NBAS: variants seen among roughly 807,000 people sequenced by gnomAD.
NBAS encodes the protein NAG/BC035112 fusion.
In NBAS, 219 loss-of-function variants were observed where a neutral mutation model predicts 302.5. That is an observed-to-expected ratio of 0.72 (90% CI 0.65 to 0.81). The LOEUF is 0.81. NBAS is among the 30% of genes least tolerant of loss of function. The probability of loss-of-function intolerance (pLI) is 0.00; values close to 1 mark genes in which losing one functional copy is unlikely to be tolerated. For missense variants in NBAS, 2,932 were observed against 2,841.6 expected, an observed-to-expected ratio of 1.03 and a Z score of -0.72; for synonymous variants, 1,118 against 1,021.6, an observed-to-expected ratio of 1.09 and a Z score of -1.80.
At chr2:15,036,201 C>T in the NBAS span, among the ~76,000 whole-genome samples, 1 of 152,084 alleles carries the variant, frequency 6.6e-6, no homozygotes, top group African/African-American at 2.4e-5. Flanking sequence ...TTTGCATTTT[C>T]CTCATTACCA....
the NBAS span, among the ~76,000 whole-genome samples, chr2:15,138,442 C>A: frequency 6.6e-6 from 1 of 152,200 alleles, no homozygotes; most frequent in African/African-American, 2.4e-5. Context: ...GCCTCATGGA[C>A]AAAATCACAA....
Position 15,169,776 on chromosome 2 carries a change from GGAATGAATACCCAAGT to G in NBAS, c.6841-2469_6841-2454del, listed in dbSNP as rs528074656. On this transcript the variant is annotated intron_variant, in intron 51 of 51. Transcript: ENST00000281513. ...ATGCTAGGAGCTGAGCAAGATTTGT[GGAATGAATACCCAAGT>G]GAATGAATCACTCCAAAGCTCACAT... is the stretch of plus-strand genomic sequence containing the variant. 9.3e-4 allele frequency among the ~76,000 whole-genome samples: 141 copies of G among 152,304 alleles called. 2 individuals are homozygous for G. Among genetic ancestry groups the G allele is most frequent in the Admixed American group, 7.7e-3 (118 of 15,306 alleles).
chr2:15,149,977 A>G, the NBAS span, among the ~76,000 whole-genome samples: 2 of 150,892 alleles, frequency 1.3e-5, no homozygotes, highest in East Asian at 3.9e-4. Flanking sequence ...TGAGAGGCCA[A>G]GGTGGGAGCA....
the NBAS span, among the ~76,000 whole-genome samples, chr2:14,788,983 A>T: frequency 1.3e-5 from 2 of 152,328 alleles, no homozygotes; most frequent in East Asian, 3.9e-4. Flanking sequence ...GGTGGGCTCC[A>T]CCCAGTTGGA....
At chr2:14,974,364 T>C in the NBAS span, among the ~76,000 whole-genome samples, 13 of 152,284 alleles carry the variant, frequency 8.5e-5, no homozygotes, top group South Asian at 4.1e-4. Flanking sequence ...AGTGGGATCT[T>C]TGGAGTGGAC....
chr2:15,223,859 TAAAAAA>T (rs1223297635), intron 47 of NBAS, among the ~76,000 whole-genome samples: 2 of 150,788 alleles, frequency 1.3e-5, no homozygotes, highest in Non-Finnish European at 3.0e-5. Flanking sequence ...ATAAAATAGA[TAAAAAA>T]AGAAAATCTC....
At chr2:14,923,841 A>T in the NBAS span, among the ~76,000 whole-genome samples, 5 of 152,132 alleles carry the variant, frequency 3.3e-5, no homozygotes, top group African/African-American at 1.2e-4. Context: ...GGGGTGTCCT[A>T]ATCAGATGGG....
chr2:15,246,043 T>A (rs1668082117), intron 44 of NBAS, among the ~76,000 whole-genome samples: 1 of 152,208 alleles, frequency 6.6e-6, no homozygotes, highest in Non-Finnish European at 1.5e-5. Flanking sequence ...ATATGTGGCC[T>A]GGAATGCCAG....
rs145917541 is a variant in NBAS at position 15,420,846 on chromosome 2, C to T, written c.2578-3134G>A. Reference sequence around the variant, plus strand: ...GGAGAAGGGGAAGAGGGGGAAGCAACGTAATGCCAAGAAAAAATGCCACGC... The same window carrying T: ...GGAGAAGGGGAAGAGGGGGAAGCAATGTAATGCCAAGAAAAAATGCCACGC... On this transcript the variant is annotated intron_variant, in intron 23 of 51. Transcript: ENST00000281513. Among the ~76,000 whole-genome samples the T allele has an allele frequency of 6.7e-3, 1,015 of 152,028 alleles. 12 individuals carry two copies. Among genetic ancestry groups the T allele is most frequent in the African/African-American group, 0.022 (918 of 41,454 alleles).
chr2:15,511,455 C>T, intron 9 of NBAS, 105 bp from the exon 10 acceptor site: 3 of 983,362 alleles, frequency 3.1e-6, no homozygotes, highest in Non-Finnish European at 4.7e-6. Flanking sequence ...TTACCAAGTA[C>T]TATTAATATA....
the NBAS span, among the ~76,000 whole-genome samples, chr2:15,001,819 G>C: frequency 2.0e-5 from 3 of 152,046 alleles, no homozygotes; most frequent in Non-Finnish European, 4.4e-5. Flanking sequence ...AGACCTTCGC[G>C]GTGAGTGTTA....
chr2:15,123,088 C>T, the NBAS span, among the ~76,000 whole-genome samples: 1 of 152,168 alleles, frequency 6.6e-6, no homozygotes, highest in Non-Finnish European at 1.5e-5. Context: ...AGAGCTGGTG[C>T]CCCACCCCGA....
chr2:15,427,219 G>A (rs1405462220), intron 22 of NBAS, among the ~76,000 whole-genome samples: 1 of 152,118 alleles, frequency 6.6e-6, no homozygotes, highest in African/African-American at 2.4e-5. Flanking sequence ...CAGTGAAGGA[G>A]TATTTACCCG....
At chr2:15,206,397 T>A (rs1046072482) in intron 48 of NBAS, among the ~76,000 whole-genome samples, 1 of 151,848 alleles carries the variant, frequency 6.6e-6, no homozygotes, top group Non-Finnish European at 1.5e-5. Flanking sequence ...CACAAAAGTT[T>A]GGAAAATTTG....
intron 21 of NBAS, among the ~76,000 whole-genome samples, chr2:15,452,685 G>C (rs1421725424): frequency 6.6e-6 from 1 of 151,798 alleles, no homozygotes; most frequent in African/African-American, 2.4e-5. Flanking sequence ...TGTGATTTAT[G>C]AATGCACAAA....
intron 28 of NBAS, among the ~76,000 whole-genome samples, chr2:15,387,160 C>T (rs1675341256): frequency 6.6e-6 from 1 of 151,586 alleles, no homozygotes; most frequent in Non-Finnish European, 1.5e-5. Context: ...CTCTGCCTCC[C>T]GGGTTCACGC....
chr2:15,548,313 T>C (rs547159897), intron 6 of NBAS, among the ~76,000 whole-genome samples: 2 of 152,062 alleles, frequency 1.3e-5, no homozygotes, highest in South Asian at 4.1e-4. Flanking sequence ...TAATTTACAA[T>C]CTAATTGGGA....
At chr2:15,007,394 T>G in the NBAS span, among the ~76,000 whole-genome samples, 1 of 152,262 alleles carries the variant, frequency 6.6e-6, no homozygotes, top group African/African-American at 2.4e-5. Context: ...TTTCATTTAT[T>G]CATGATTTTT....
intron 42 of NBAS, among the ~76,000 whole-genome samples, chr2:15,280,597 G>A (rs1430060845): frequency 6.6e-6 from 1 of 152,178 alleles, no homozygotes; most frequent in Non-Finnish European, 1.5e-5. Context: ...GACTGATTCT[G>A]AGTTGAGTCT....
Sources: gnomAD v4.1 joint callset for allele counts (sites outside exome capture counted in the v4.1 genomes callset) on GRCh38, gnomAD v4.1.1 for gene constraint, MANE v1.5 for transcripts, NCBI Gene and HGNC (gene_info 2026-07-23, HGNC 2026-07-21) for gene names.